Variants in ATG4B observed in about 807,000 individuals in gnomAD.
ATG4B encodes autophagy related 4B cysteine peptidase, also known as cysteine protease ATG4B.
A neutral mutation model predicts 56.6 loss-of-function variants in ATG4B; 29 were observed. That is an observed-to-expected ratio of 0.51 (90% confidence interval 0.38 to 0.70). The LOEUF (loss-of-function observed/expected upper bound fraction) is 0.70. Ranked by LOEUF, ATG4B falls within the 30% of genes least tolerant of loss-of-function variation. The pLI is 0.00. For missense variants in ATG4B, 461 were observed against 515.5 expected (o/e 0.89, Z 1.02); for synonymous variants, 224 against 206.1 (o/e 1.09, Z -0.74).
In ATG4B at chr2:241,668,677, A is replaced by G; in HGVS notation, c.949A>G (p.Ile317Val). 5 of 1,573,562 alleles carry G rather than the reference A, an allele frequency of 3.2e-6. No individual in the cohort carries two copies. The highest frequency in any genetic ancestry group is 2.6e-6 in the Non-Finnish European group (3 of 1,160,872). ...RMSIAELDPS[I>V]AVGFFCKTED... ...GAGCATCGCGGAGCTTGACCCGTCC[A>G]TCGCTGTGGTACGTGGCGGCCACCT... Residue 317 changes from isoleucine to valine, a missense_variant, in exon 10 of 13, where the codon ATC becomes GTC. Physicochemically the swap from Ile to Val is conservative, Grantham distance 29 (BLOSUM62 3). Transcript: ENST00000404914. This position sits in a 1 kb window ranked among gnomAD's most constrained non-coding sequence, Gnocchi z 4.2.
rs200522008 is a variant in ATG4B at position 241,659,195 on chromosome 2, G to T, written c.538+8G>T. On this transcript the variant is annotated splice_region_variant and intron_variant, in intron 7 of 12. Coordinates refer to ENST00000404914, the MANE Select transcript of ATG4B (RefSeq NM_013325.5). ...TTGTGATGGAGGAAATCAGTAAGTG[G>T]CTCAGAGTTTCCATGGACAAGAAAG... 2.5e-6 allele frequency: 4 copies of T among 1,612,516 alleles called. No individual in the cohort carries two copies. Among genetic ancestry groups the T allele is most frequent in the Non-Finnish European group, 3.4e-6 (4 of 1,178,726 alleles).
Position 241,668,290 on chromosome 2 carries a change from C to T in ATG4B, c.811+69C>T, listed in dbSNP as rs960375445. Reference sequence around the variant, plus strand: ...TTAAGGGCATTCCATGAGCAGGTACCACACCCCAGGTGACCACTTGAGGCC... The same window carrying T: ...TTAAGGGCATTCCATGAGCAGGTACTACACCCCAGGTGACCACTTGAGGCC... On this transcript the variant is annotated intron_variant, in intron 9 of 12. Coordinates refer to ENST00000404914, the MANE Select transcript of ATG4B (RefSeq NM_013325.5). This position sits in a 1 kb window ranked among gnomAD's most constrained non-coding sequence, Gnocchi z 4.2. The T allele has an allele frequency of 1.3e-6, 2 of 1,521,610 alleles. No individual in the cohort carries two copies. The highest frequency in any genetic ancestry group is 2.8e-5 in the African/African-American group (2 of 72,384). The allele number at this position is 1,521,610 out of a possible 1,614,324, so 94.3% of individuals were successfully genotyped here. A position where few individuals can be genotyped will look rare whatever the true frequency, so the allele number is the denominator to read the frequency against.
At chr2:241,665,230 C>T (rs1158860207) in intron 7 of ATG4B, among the ~76,000 whole-genome samples, 1 of 152,218 alleles carries the variant, frequency 6.6e-6, no homozygotes, top group Non-Finnish European at 1.5e-5. Flanking sequence ...AAACCCTCCA[C>T]CTAGATCCAC....
chr2:241,669,546 C>T (rs113056176), intron 10 of ATG4B, among the ~76,000 whole-genome samples: 26,164 of 152,150 alleles, frequency 0.17, 2,490 homozygotes, highest in Non-Finnish European at 0.22. Context: ...CTCACTCTGT[C>T]GCCCAGGCTG....
At chr2:241,667,148 T>A (rs889583684) in intron 8 of ATG4B, among the ~76,000 whole-genome samples, 3 of 151,960 alleles carry the variant, frequency 2.0e-5, no homozygotes, top group Non-Finnish European at 4.4e-5. Context: ...CCCTCCCGGG[T>A]CTCCACTGTG....
chr2:241,638,597 A>T (rs973689369), intron 1 of ATG4B, among the ~76,000 whole-genome samples: 4 of 152,246 alleles, frequency 2.6e-5, no homozygotes, highest in Non-Finnish European at 5.9e-5. Context: ...CATCTGGTTT[A>T]ATTCTGTCAT....
At chr2:241,641,245 G>A (rs1202314043) in intron 1 of ATG4B, among the ~76,000 whole-genome samples, 1 of 152,206 alleles carries the variant, frequency 6.6e-6, no homozygotes, top group Non-Finnish European at 1.5e-5. Flanking sequence ...TGTATGGCCT[G>A]AGCTAAGCAA....
At chr2:241,658,715 G>A (rs1454465386) in intron 6 of ATG4B, among the ~76,000 whole-genome samples, 1 of 152,250 alleles carries the variant, frequency 6.6e-6, no homozygotes, top group Non-Finnish European at 1.5e-5. Context: ...GTTTGGTGGA[G>A]GGGAGAGCAG....
At chr2:241,661,924 A>T (rs1449613624) in intron 7 of ATG4B, among the ~76,000 whole-genome samples, 1 of 152,224 alleles carries the variant, frequency 6.6e-6, no homozygotes, top group African/African-American at 2.4e-5. Context: ...TCAGTCTGGC[A>T]GTGAGGACAA....
chr2:241,661,481 C>T (rs141572162), intron 7 of ATG4B, among the ~76,000 whole-genome samples: 3,619 of 152,164 alleles, frequency 0.024, 214 homozygotes, highest in East Asian at 0.19. Context: ...TAAGAGTGCG[C>T]AAGGGAGGAC....
intron 10 of ATG4B, among the ~76,000 whole-genome samples, chr2:241,669,815 A>G (rs552718641): frequency 6.6e-6 from 1 of 152,200 alleles, no homozygotes. Context: ...CCTGGCGCAC[A>G]CTTCTTACCA....
intron 7 of ATG4B, chr2:241,659,453 C>T (rs560706399): frequency 3.8e-6 from 2 of 524,790 alleles, no homozygotes; most frequent in East Asian, 4.3e-5. Context: ...GGTTACAAAT[C>T]GTTTATGAAG....
chr2:241,641,549 CAA>C (rs774218463), intron 1 of ATG4B, among the ~76,000 whole-genome samples: 35 of 70,626 alleles, frequency 5.0e-4, no homozygotes, highest in Admixed American at 8.5e-4. Context: ...GACTCTGTCT[CAA>C]AAAAAAAAAA....
Position 241,644,874 on chromosome 2 carries a change from G to A in ATG4B, c.11-6136G>A, listed in dbSNP as rs190608736. On this transcript the variant is annotated intron_variant, in intron 1 of 12. Transcript: ENST00000404914. ...TGAGGCAGGAGAATCGCTTGAAACC[G>A]GGAGGCGGAGGTTGCAGTGAGCCGA... Among the ~76,000 whole-genome samples the A allele has an allele frequency of 4.1e-3, 624 of 151,970 alleles. 1 individual carries two copies. The highest frequency in any genetic ancestry group is 0.014 in the Middle Eastern group (4 of 294).
At chr2:241,646,061 A>G (rs544548492) in intron 1 of ATG4B, among the ~76,000 whole-genome samples, 6 of 152,292 alleles carry the variant, frequency 3.9e-5, no homozygotes, top group Admixed American at 1.3e-4. Context: ...ATCTGAGGCC[A>G]CACACCTGTA....
chr2:241,641,467 G>A (rs1005123547), intron 1 of ATG4B, among the ~76,000 whole-genome samples: 10 of 151,750 alleles, frequency 6.6e-5, no homozygotes, highest in Non-Finnish European at 1.2e-4. Context: ...GGAGAATGGC[G>A]TGAACCCGGG....
At chr2:241,672,129 C>T in intron 12 of ATG4B, 62 bp from the exon 13 acceptor site, 1 of 1,547,670 alleles carries the variant, frequency 6.5e-7, no homozygotes, top group Non-Finnish European at 8.7e-7. Context: ...GCCAAGGGCC[C>T]TTGACTCACA....
chr2:241,654,137 T>A (rs1272609164), intron 4 of ATG4B, among the ~76,000 whole-genome samples: 1 of 152,144 alleles, frequency 6.6e-6, no homozygotes, highest in African/African-American at 2.4e-5. Context: ...TTTAAAAGAT[T>A]CTGGGCTGGG....
intron 1 of ATG4B, 103 bp downstream of exon 1, chr2:241,637,827 G>GCC (rs2067717440): frequency 3.8e-5 from 53 of 1,387,632 alleles, no homozygotes; most frequent in Non-Finnish European, 4.0e-5. Flanking sequence ...GGGGCACGCC[G>GCC]GTGCGGGCCA....
Sources: gnomAD v4.1 joint callset for allele counts (sites outside exome capture counted in the v4.1 genomes callset) on GRCh38, gnomAD v4.1.1 for gene constraint, Gnocchi (gnomAD v3.1) non-coding constraint, MANE v1.5 for transcripts, NCBI Gene and HGNC (gene_info 2026-07-23, HGNC 2026-07-21) for gene names.